Variants in GDAP1 observed in about 807,000 individuals in gnomAD.
The protein encoded by GDAP1 is ganglioside induced differentiation associated protein 1, also known as ganglioside-induced differentiation-associated protein 1.
A neutral mutation model predicts 40.1 loss-of-function variants in GDAP1; 34 were observed. That is an observed-to-expected ratio of 0.85 (90% confidence interval 0.64 to 1.13). The LOEUF is 1.13. Ranked by LOEUF, GDAP1 falls within the 50% of genes most tolerant of loss-of-function variation. The pLI is 0.00. For synonymous variants in GDAP1, 170 were observed against 157.4 expected (o/e 1.08, Z -0.60); for missense variants, 374 against 433.7 (o/e 0.86, Z 1.22).
At chr8:74,463,736 A>AC in intron 2 of GDAP1, among the ~76,000 whole-genome samples, 1 of 152,244 alleles carries the variant, frequency 6.6e-6, no homozygotes, top group Admixed American at 6.5e-5. Flanking sequence ...CATATGTAGA[A>AC]ATTGGAATAT....
intron 2 of GDAP1, among the ~76,000 whole-genome samples, chr8:74,436,919 T>C (rs1302297514): frequency 6.6e-6 from 1 of 152,166 alleles, no homozygotes; most frequent in Non-Finnish European, 1.5e-5. Context: ...TCCCTCACAA[T>C]GCAGCAGAAG....
intron 2 of GDAP1, among the ~76,000 whole-genome samples, chr8:74,443,148 G>A (rs1431451650): frequency 1.3e-5 from 2 of 152,180 alleles, no homozygotes; most frequent in Admixed American, 1.3e-4. Flanking sequence ...TGGTAAGAAG[G>A]AAGTGCCCAG....
chr8:74,377,729 A>G (rs1193398715), intron 2 of GDAP1, among the ~76,000 whole-genome samples: 2 of 152,246 alleles, frequency 1.3e-5, no homozygotes, highest in African/African-American at 4.8e-5. Flanking sequence ...CTTGTAAATT[A>G]AAAATTCAGT....
intron 2 of GDAP1, among the ~76,000 whole-genome samples, chr8:74,385,237 T>C (rs1364760387): frequency 2.0e-5 from 3 of 152,168 alleles, no homozygotes; most frequent in Non-Finnish European, 4.4e-5. Flanking sequence ...TGCAGGTTTG[T>C]TACATAGGTA....
At chr8:74,457,430 A>C (rs1586840506) in intron 2 of GDAP1, among the ~76,000 whole-genome samples, 1 of 152,182 alleles carries the variant, frequency 6.6e-6, no homozygotes, top group East Asian at 1.9e-4. Context: ...AGTATTTTGA[A>C]TTTTGAACTA....
intron 2 of GDAP1, among the ~76,000 whole-genome samples, chr8:74,455,718 C>G (rs1394745699): frequency 6.6e-6 from 1 of 151,682 alleles, no homozygotes; most frequent in Admixed American, 6.6e-5. Flanking sequence ...TTAGATATTT[C>G]TTGCTTGACA....
At chr8:74,412,514 C>G (rs1805727256) in intron 2 of GDAP1, among the ~76,000 whole-genome samples, 1 of 149,888 alleles carries the variant, frequency 6.7e-6, no homozygotes, top group Non-Finnish European at 1.5e-5. Flanking sequence ...AATCATGTTA[C>G]TTAAAAGGAA....
intron 2 of GDAP1, among the ~76,000 whole-genome samples, chr8:74,411,991 A>C (rs1805715244): frequency 1.3e-5 from 2 of 150,156 alleles, no homozygotes; most frequent in Non-Finnish European, 2.9e-5. Context: ...CCCAAACATA[A>C]ATATCTGTCA....
intron 2 of GDAP1, among the ~76,000 whole-genome samples, chr8:74,383,642 A>G (rs1341735831): frequency 6.6e-6 from 1 of 152,168 alleles, no homozygotes; most frequent in Non-Finnish European, 1.5e-5. Context: ...ATCTTCCTCC[A>G]GTCAGAGGCT....
intron 1 of GDAP1, among the ~76,000 whole-genome samples, chr8:74,351,062 G>T (rs1808844731): frequency 6.6e-6 from 1 of 152,116 alleles, no homozygotes; most frequent in Non-Finnish European, 1.5e-5. Flanking sequence ...AATACAGTCA[G>T]AATCATTTCA....
At chr8:74,406,332 A>G (rs1473440798) in intron 2 of GDAP1, among the ~76,000 whole-genome samples, 2 of 150,328 alleles carry the variant, frequency 1.3e-5, no homozygotes, top group Admixed American at 6.6e-5. Flanking sequence ...CTAGGCTAGC[A>G]ATGATAAATA....
At chr8:74,403,672 G>T (rs892140243) in intron 2 of GDAP1, among the ~76,000 whole-genome samples, 1 of 150,280 alleles carries the variant, frequency 6.7e-6, no homozygotes, top group African/African-American at 2.5e-5. Context: ...GCAGATTTCT[G>T]ACCTTGCCGG....
intron 2 of GDAP1, among the ~76,000 whole-genome samples, chr8:74,375,876 G>A (rs894302988): frequency 1.3e-5 from 2 of 152,090 alleles, no homozygotes; most frequent in African/African-American, 4.8e-5. Context: ...TTTTCCTAAG[G>A]AATCTTCTAA....
intron 2 of GDAP1, among the ~76,000 whole-genome samples, chr8:74,386,365 A>G (rs147437285): frequency 2.6e-5 from 4 of 152,226 alleles, no homozygotes; most frequent in East Asian, 1.9e-4. Context: ...TAATTTTTGT[A>G]TAAGGTGTAA....
chr8:74,435,081 T>C (rs555083338), intron 2 of GDAP1, among the ~76,000 whole-genome samples: 25 of 152,326 alleles, frequency 1.6e-4, no homozygotes, highest in African/African-American at 6.0e-4. Context: ...AACATGAAAG[T>C]AATTTGAATA....
At chr8:74,464,982 G>A (rs1806450025) in intron 2 of GDAP1, among the ~76,000 whole-genome samples, 1 of 152,240 alleles carries the variant, frequency 6.6e-6, no homozygotes, top group African/African-American at 2.4e-5. Flanking sequence ...CACTTTGGGA[G>A]GCCAAGGCGG....
chr8:74,465,152 G>A (rs1392068632), intron 2 of GDAP1, among the ~76,000 whole-genome samples: 3 of 152,060 alleles, frequency 2.0e-5, no homozygotes, highest in African/African-American at 7.2e-5. Context: ...CCCGGGAGAC[G>A]GAGGTTGCAG....
At chr8:74,400,436 C>G (rs1442637522) in intron 2 of GDAP1, among the ~76,000 whole-genome samples, 1 of 149,478 alleles carries the variant, frequency 6.7e-6, no homozygotes, top group Non-Finnish European at 1.5e-5. Context: ...TATTTTGAGT[C>G]TATGTGTGTC....
intron 2 of GDAP1, among the ~76,000 whole-genome samples, chr8:74,379,970 C>T (rs1173626846): frequency 6.6e-6 from 1 of 152,178 alleles, no homozygotes; most frequent in African/African-American, 2.4e-5. Flanking sequence ...AGGCACAGCA[C>T]TTGGCTGGCC....
Sources: gnomAD v4.1 joint callset for allele counts (sites outside exome capture counted in the v4.1 genomes callset) on GRCh38, gnomAD v4.1.1 for gene constraint, MANE v1.5 for transcripts, NCBI Gene and HGNC (gene_info 2026-07-23, HGNC 2026-07-21) for gene names.